Variants in NR2C2 observed in about 807,000 individuals in gnomAD.
NR2C2 encodes the protein nuclear receptor subfamily 2 group C member 2.
Under a neutral mutation model 62.9 loss-of-function variants are expected in NR2C2, and 6 were observed. The ratio of observed to expected loss-of-function variants is 0.10; its 90% CI spans 0.05 to 0.19. The LOEUF is 0.19. Ranked by LOEUF, NR2C2 falls within the 10% of genes least tolerant of loss-of-function variation. NR2C2 has a pLI of 1.00. For missense variants in NR2C2, 479 were observed against 762.7 expected (o/e 0.63, Z 4.38); for synonymous variants, 272 against 273.8 (o/e 0.99, Z 0.07).
At chr3:15,003,133 G>A (rs1429625222) in intron 1 of NR2C2, among the ~76,000 whole-genome samples, 1 of 142,328 alleles carries the variant, frequency 7.0e-6, no homozygotes, top group Admixed American at 7.0e-5. Flanking sequence ...TTTTTTTAAT[G>A]TAGAGATGGA....
chr3:15,015,628 C>T (rs753014233), intron 3 of NR2C2, among the ~76,000 whole-genome samples: 2 of 152,164 alleles, frequency 1.3e-5, no homozygotes, highest in Non-Finnish European at 2.9e-5. Context: ...TGGAAACCAG[C>T]GCCTGACCCT....
intron 1 of NR2C2, among the ~76,000 whole-genome samples, chr3:14,996,747 A>G (rs2124883093): frequency 6.6e-6 from 1 of 152,242 alleles, no homozygotes; most frequent in South Asian, 2.1e-4. Flanking sequence ...ATTTTTTGGT[A>G]GAGACAGGGT....
intron 5 of NR2C2, among the ~76,000 whole-genome samples, chr3:15,022,674 C>T (rs908957478): frequency 6.6e-6 from 1 of 152,026 alleles, no homozygotes; most frequent in Admixed American, 6.5e-5. Flanking sequence ...AGCCACCACC[C>T]CCGGCCCAAA....
At chr3:15,017,091 T>C (rs757700314) in intron 4 of NR2C2, among the ~76,000 whole-genome samples, 2 of 152,218 alleles carry the variant, frequency 1.3e-5, no homozygotes, top group African/African-American at 4.8e-5. Flanking sequence ...ACAGGAACTT[T>C]GGGCACTGTA....
At chr3:15,038,284 A>G (rs1359233317) in intron 12 of NR2C2, 147 bp downstream of exon 12, 1 of 780,128 alleles carries the variant, frequency 1.3e-6, no homozygotes, top group Non-Finnish European at 1.9e-6. Flanking sequence ...TTTGCTAGAT[A>G]AATACATAAA....
chr3:14,975,373 TGTTGA>T (rs1007578025), intron 1 of NR2C2, among the ~76,000 whole-genome samples: 1 of 152,238 alleles, frequency 6.6e-6, no homozygotes, highest in African/African-American at 2.4e-5. Context: ...ACCTTTATTA[TGTTGA>T]GGTAATTTCC....
At chr3:14,989,119 T>A (rs1288136910) in intron 1 of NR2C2, among the ~76,000 whole-genome samples, 2 of 152,222 alleles carry the variant, frequency 1.3e-5, no homozygotes, top group East Asian at 3.9e-4. Flanking sequence ...GGCTACAGCC[T>A]GCCTTAGTGG....
In NR2C2 at chr3:15,032,829, G is replaced by A. The variant is rs752276118; in HGVS notation, c.1232+329G>A. ...TGACTCAACAAACTGAAGCCAGGCC[G>A]GGAACTGTGCCTAGGCCTTAATAAG... On this transcript the variant is annotated intron_variant, in intron 10 of 13. Coordinates refer to ENST00000425241, the MANE Select transcript of NR2C2 (RefSeq NM_001291694.2). Among the ~76,000 whole-genome samples, 36 of 152,302 alleles carry A rather than the reference G, an allele frequency of 2.4e-4. 4 individuals are homozygous for A. The highest frequency in any genetic ancestry group is 2.1e-3 in the South Asian group (10 of 4,824).
intron 2 of NR2C2, 30 bp from the exon 3 acceptor site, chr3:15,013,559 T>G: frequency 1.2e-6 from 2 of 1,607,126 alleles, no homozygotes; most frequent in Non-Finnish European, 1.7e-6. Flanking sequence ...TGACACTCCA[T>G]GAGAGCAGCC....
chr3:14,969,929 G>A (rs1023522587), intron 1 of NR2C2, among the ~76,000 whole-genome samples: 9 of 152,214 alleles, frequency 5.9e-5, no homozygotes, highest in African/African-American at 2.2e-4. Context: ...GCAAGGCCGT[G>A]TCCTCAAGGA....
At chr3:14,958,464 A>G (rs986804786) in intron 1 of NR2C2, among the ~76,000 whole-genome samples, 2 of 152,132 alleles carry the variant, frequency 1.3e-5, no homozygotes, top group African/African-American at 4.8e-5. Flanking sequence ...TGAATGGGTG[A>G]AGTACTAGCC....
Position 15,016,181 on chromosome 3 carries a change from T to C in NR2C2, c.303T>C (p.Arg101=). 1 of 1,614,032 alleles carries C rather than the reference T, an allele frequency of 6.2e-7. No individual in the cohort carries two copies. Among genetic ancestry groups the C allele is most frequent in the Non-Finnish European group, 8.5e-7 (1 of 1,179,966 alleles). ...TCACGGATTCTGCCTCTGTGGAGCG[T>C]TTACTGGGGAAGACGGACGTCCAGC... ...QIVTDSASVE[R]LLGKTDVQRP... The change falls in exon 4 of 14, where the codon CGT becomes CGC. Residue 101 remains arginine, a synonymous_variant. Coordinates refer to ENST00000425241, the MANE Select transcript of NR2C2 (RefSeq NM_001291694.2).
intron 13 of NR2C2, among the ~76,000 whole-genome samples, chr3:15,040,958 C>G (rs1382179343): frequency 6.6e-6 from 1 of 152,140 alleles, no homozygotes; most frequent in Non-Finnish European, 1.5e-5. Flanking sequence ...ACAGCACACT[C>G]GAGAATCACT....
intron 8 of NR2C2, among the ~76,000 whole-genome samples, chr3:15,029,978 G>A (rs1171620807): frequency 3.9e-5 from 6 of 152,054 alleles, no homozygotes; most frequent in Admixed American, 6.6e-5. Context: ...TGTCCATGAA[G>A]TTAGATAATA....
chr3:15,032,267 C>A, intron 9 of NR2C2, 112 bp from the exon 10 acceptor site: 1 of 1,454,706 alleles, frequency 6.9e-7, no homozygotes, highest in Non-Finnish European at 9.5e-7. Flanking sequence ...CAGAATCAGA[C>A]AGCAACTCTA....
chr3:14,988,495 C>T (rs2040571706), intron 1 of NR2C2, among the ~76,000 whole-genome samples: 1 of 152,196 alleles, frequency 6.6e-6, no homozygotes, highest in African/African-American at 2.4e-5. Context: ...AATTATCAGG[C>T]CAGAGGGCAG....
At chr3:14,968,980 C>T (rs1373975533) in intron 1 of NR2C2, among the ~76,000 whole-genome samples, 7 of 124,214 alleles carry the variant, frequency 5.6e-5, no homozygotes, top group African/African-American at 2.2e-4. Flanking sequence ...ACTCTGGGGA[C>T]TGTTGTGGGG....
At chr3:15,015,552 C>G (rs1007693083) in intron 3 of NR2C2, among the ~76,000 whole-genome samples, 1 of 152,196 alleles carries the variant, frequency 6.6e-6, no homozygotes, top group Admixed American at 6.5e-5. Context: ...TTTGAAGCCT[C>G]TGTGTGTGAT....
At chr3:14,974,135 T>A (rs1247995265) in intron 1 of NR2C2, among the ~76,000 whole-genome samples, 1 of 152,190 alleles carries the variant, frequency 6.6e-6, no homozygotes, top group Non-Finnish European at 1.5e-5. Flanking sequence ...GCTCTTCTAC[T>A]TTCTATGAAT....
Sources: allele counts gnomAD v4.1 joint callset (sites outside exome capture counted in the v4.1 genomes callset), GRCh38; gene constraint gnomAD v4.1.1; transcripts MANE v1.5; gene names NCBI Gene and HGNC (gene_info 2026-07-23, HGNC 2026-07-21).